The following NR6A1 variants were observed in gnomAD, a reference collection of about 807,000 sequenced individuals.
NR6A1 encodes nuclear receptor subfamily 6 group A member 1, also known as retinoic acid receptor-related testis-associated receptor.
NR6A1 carries 7 observed loss-of-function variants against 59.1 expected under a neutral mutation model. The observed-to-expected ratio is 0.12, with a 90% confidence interval of 0.07 to 0.22. NR6A1 has a LOEUF of 0.22. NR6A1 is among the 10% of genes least tolerant of loss of function. The probability of loss-of-function intolerance (pLI) is 1.00; values close to 1 mark genes in which losing one functional copy is unlikely to be tolerated. For synonymous variants in NR6A1, 243 were observed against 236.1 expected (o/e 1.03, Z -0.27); for missense variants, 468 against 611.6 (o/e 0.77, Z 2.48).
intron 2 of NR6A1, chr9:124,693,846 G>C (rs1246202687): frequency 1.9e-6 from 1 of 517,526 alleles, no homozygotes; most frequent in Non-Finnish European, 4.0e-6. Flanking sequence ...GAGTGCAGCA[G>C]CTACTGCTGT....
At chr9:124,718,185 T>C (rs559868208) in intron 2 of NR6A1, among the ~76,000 whole-genome samples, 2 of 152,358 alleles carry the variant, frequency 1.3e-5, no homozygotes, top group South Asian at 4.1e-4. Flanking sequence ...CACTGTACCA[T>C]GCACCCATGC....
rs144631161 is a variant in NR6A1 at position 124,591,617 on chromosome 9, A to C, written c.143-37047T>G. On this transcript the variant is annotated intron_variant, in intron 2 of 9. Transcript: ENST00000487099. The stretch of plus-strand genomic sequence containing the variant: ...GATTGGTCCCACTAACAATCCATCG[A>C]GGCTCACCAGCCGGTTGACTCCTGA... Among the ~76,000 whole-genome samples the C allele has an allele frequency of 9.8e-3, 1,491 of 152,300 alleles. 11 individuals are homozygous for C. Among genetic ancestry groups the C allele is most frequent in the Non-Finnish European group, 0.014 (938 of 68,024 alleles).
At position 124,522,275 on chromosome 9, in the gene NR6A1, GA is replaced by G. The variant is rs1473713971; in HGVS notation, c.*429del. The G allele has an allele frequency of 2.6e-5, 4 of 155,822 alleles. No individual in the cohort carries two copies. The highest frequency in any genetic ancestry group is 2.5e-4 in the Admixed American group (4 of 15,974). 9.7% of individuals were successfully genotyped at this position (155,822 alleles called of 1,614,324 possible). Reference sequence around the variant, plus strand: ...TGTATGAGTCTGCTGAGAAAATGTGGAAAAAGTAGGGATGGCCACACCCCCC... The same window carrying G: ...TGTATGAGTCTGCTGAGAAAATGTGGAAAAGTAGGGATGGCCACACCCCCC... On this transcript the variant is annotated 3_prime_UTR_variant, in exon 10 of 10. Coordinates refer to ENST00000487099, the MANE Select transcript of NR6A1 (RefSeq NM_033334.4).
chr9:124,597,283 C>T (rs1835298305), intron 2 of NR6A1, among the ~76,000 whole-genome samples: 1 of 120,984 alleles, frequency 8.3e-6, no homozygotes, highest in African/African-American at 3.1e-5. Context: ...TTTCCCACCC[C>T]CCACCCCAAC....
intron 2 of NR6A1, among the ~76,000 whole-genome samples, chr9:124,596,181 C>A (rs1160619007): frequency 6.6e-6 from 1 of 151,674 alleles, no homozygotes; most frequent in Non-Finnish European, 1.5e-5. Context: ...GGCTTTTCTT[C>A]TTTTTTTTCA....
At chr9:124,663,256 AG>A (rs1229995346) in intron 2 of NR6A1, among the ~76,000 whole-genome samples, 11 of 152,342 alleles carry the variant, frequency 7.2e-5, no homozygotes, top group African/African-American at 2.6e-4. Flanking sequence ...AGAAAGCCAA[AG>A]GACTTCTATG....
At chr9:124,678,120 T>C (rs1048725617) in intron 2 of NR6A1, among the ~76,000 whole-genome samples, 1 of 152,238 alleles carries the variant, frequency 6.6e-6, no homozygotes, top group Non-Finnish European at 1.5e-5. Context: ...AATGTTTTTA[T>C]TGGCTGTCAG....
At chr9:124,614,179 AGGAG>A (rs1835829739) in intron 2 of NR6A1, among the ~76,000 whole-genome samples, 2 of 152,166 alleles carry the variant, frequency 1.3e-5, no homozygotes, top group South Asian at 4.1e-4. Context: ...GAAGAGGGCT[AGGAG>A]GGAGAGGGCT....
chr9:124,603,490 TGAG>T (rs1341733482), intron 2 of NR6A1, among the ~76,000 whole-genome samples: 1 of 152,198 alleles, frequency 6.6e-6, no homozygotes, highest in Non-Finnish European at 1.5e-5. Flanking sequence ...GAAGCCTACC[TGAG>T]ACTAAATCTT....
At position 124,517,432 on chromosome 9, in the gene NR6A1, C is replaced by CT. The variant is rs3832601; in HGVS notation, c.*5272dup. Reference sequence around the variant, plus strand: ...GGCAGGGTGGGAGGTAGCAGAGGGCCTGGGTAGCCTGCAGAGCCCGCCAGC... The same window carrying CT: ...GGCAGGGTGGGAGGTAGCAGAGGGCCTTGGGTAGCCTGCAGAGCCCGCCAGC... On this transcript the variant is annotated 3_prime_UTR_variant, in exon 10 of 10. Coordinates refer to ENST00000487099, the MANE Select transcript of NR6A1 (RefSeq NM_033334.4). 10,507 of 152,332 alleles carry CT rather than the reference C, an allele frequency of 0.069. 1,081 individuals carry two copies. Among genetic ancestry groups the CT allele is most frequent in the African/African-American group, 0.22 (9,169 of 41,544 alleles). The allele number at this position is 152,332 out of a possible 1,614,324, so 9.4% of individuals were successfully genotyped here. A position where few individuals can be genotyped will look rare whatever the true frequency, so the allele number is the denominator to read the frequency against.
At position 124,659,239 on chromosome 9, in the gene NR6A1, T is replaced by C. The variant is rs1186949597; in HGVS notation, c.142+74069A>G. 6.0e-5 allele frequency among the ~76,000 whole-genome samples: 9 copies of C among 149,196 alleles called. No individual in the cohort carries two copies. In the East Asian group the frequency reaches 1.2e-3, roughly 20 times the overall value. On this transcript the variant is annotated intron_variant, in intron 2 of 9. Transcript: ENST00000487099. ...AAACCAGACAGTCCTGGCCGTTCGA[T>C]AGGCCAGCAGTGGGTGAGACAGGTC...
intron 3 of NR6A1, among the ~76,000 whole-genome samples, chr9:124,552,681 C>T (rs1191004717): frequency 6.6e-6 from 1 of 152,132 alleles, no homozygotes; most frequent in Non-Finnish European, 1.5e-5. Flanking sequence ...ACTCATTTTA[C>T]CTCCCTAAGC....
chr9:124,757,372 T>C (rs969399363), intron 1 of NR6A1, among the ~76,000 whole-genome samples: 9 of 150,374 alleles, frequency 6.0e-5, no homozygotes, highest in African/African-American at 2.2e-4. Flanking sequence ...TGATGTTCAA[T>C]GAGTGAAGTT....
chr9:124,652,990 A>G (rs984632898), intron 2 of NR6A1, among the ~76,000 whole-genome samples: 4 of 152,208 alleles, frequency 2.6e-5, no homozygotes, highest in Non-Finnish European at 4.4e-5. Context: ...CCCTTCCTAC[A>G]GCCTCTGCTT....
chr9:124,632,851 A>G (rs1199256836), intron 2 of NR6A1, among the ~76,000 whole-genome samples: 1 of 152,198 alleles, frequency 6.6e-6, no homozygotes, highest in Non-Finnish European at 1.5e-5. Context: ...AATATGCTAC[A>G]TAAACTTAGG....
rs184310785 is a variant in NR6A1, at chr9:124,703,929, G to A, written c.142+29379C>T. ...AGCCTCCCAAGTAGCTGGGACTAAA[G>A]GTGTTCATCACCAAGTAAGCCACTG... On this transcript the variant is annotated intron_variant, in intron 2 of 9. Transcript: ENST00000487099. 9.7e-4 allele frequency among the ~76,000 whole-genome samples: 148 copies of A among 152,232 alleles called. 3 individuals carry two copies. Among genetic ancestry groups the A allele is most frequent in the South Asian group, 6.6e-3 (32 of 4,820 alleles).
At chr9:124,699,110 C>T (rs1187808813) in intron 2 of NR6A1, among the ~76,000 whole-genome samples, 3 of 152,114 alleles carry the variant, frequency 2.0e-5, no homozygotes, top group East Asian at 1.9e-4. Context: ...TGTAAAAGGA[C>T]GACTAAATAT....
chr9:124,566,850 T>G (rs1354846278), intron 2 of NR6A1, among the ~76,000 whole-genome samples: 1 of 152,230 alleles, frequency 6.6e-6, no homozygotes, highest in African/African-American at 2.4e-5. Flanking sequence ...GGCTCACGCC[T>G]GTAATCCCAG....
intron 1 of NR6A1, among the ~76,000 whole-genome samples, chr9:124,753,605 T>A (rs370874651): frequency 7.2e-5 from 11 of 152,222 alleles, no homozygotes; most frequent in African/African-American, 2.7e-4. Flanking sequence ...TCACCACCTA[T>A]CCAAAGAAAA....
Sources: allele counts gnomAD v4.1 joint callset (sites outside exome capture counted in the v4.1 genomes callset), GRCh38; gene constraint gnomAD v4.1.1; transcripts MANE v1.5; gene names NCBI Gene and HGNC (gene_info 2026-07-23, HGNC 2026-07-21).